The following DCBLD1 variants were observed in gnomAD, a reference collection of about 807,000 sequenced individuals.
DCBLD1 encodes discoidin, CUB and LCCL domain containing 1, also known as discoidin, CUB and LCCL domain-containing protein 1.
In DCBLD1, 57 loss-of-function variants were observed where a neutral mutation model predicts 71.5. That is an observed-to-expected ratio of 0.80 (90% CI 0.64 to 0.99). The LOEUF is 0.99. Among genes scored for constraint, DCBLD1 ranks in the 50% least tolerant of loss-of-function variants. The pLI is 0.00. For missense variants in DCBLD1, 891 were observed against 923.5 expected, an observed-to-expected ratio of 0.96 and a Z score of 0.46; for synonymous variants, 380 against 363.8, an observed-to-expected ratio of 1.04 and a Z score of -0.51.
At chr6:117,511,139 C>CATCT (rs1381107623) in intron 2 of DCBLD1, among the ~76,000 whole-genome samples, 2 of 152,106 alleles carry the variant, frequency 1.3e-5, no homozygotes, top group African/African-American at 4.8e-5. Flanking sequence ...TGTTGAAAGC[C>CATCT]ATCTGTTCCT....
At chr6:117,512,731 T>A (rs1241049516) in intron 2 of DCBLD1, among the ~76,000 whole-genome samples, 1 of 152,146 alleles carries the variant, frequency 6.6e-6, no homozygotes, top group Non-Finnish European at 1.5e-5. Flanking sequence ...TAAGAAAGAA[T>A]TGTGTGCTTC....
At chr6:117,511,487 T>G (rs1778019354) in intron 2 of DCBLD1, among the ~76,000 whole-genome samples, 2 of 152,202 alleles carry the variant, frequency 1.3e-5, no homozygotes, top group Non-Finnish European at 2.9e-5. Flanking sequence ...TCACAATATT[T>G]TTTTAAGCAT....
At chr6:117,503,040 ATT>A (rs1316822343) in intron 1 of DCBLD1, among the ~76,000 whole-genome samples, 4 of 152,208 alleles carry the variant, frequency 2.6e-5, no homozygotes, top group African/African-American at 9.6e-5. Context: ...AGCACCTAGA[ATT>A]ATAGTTATTT....
chr6:117,551,212 C>T (rs1330473960), downstream of DCBLD1, among the ~76,000 whole-genome samples: 1 of 152,108 alleles, frequency 6.6e-6, no homozygotes, highest in Non-Finnish European at 1.5e-5. Context: ...TCACATTGCT[C>T]AGGACTTGTG....
At chr6:117,562,844 T>G in intron 14 of DCBLD1, 1 of 215,232 alleles carries the variant, frequency 4.6e-6, no homozygotes, top group Middle Eastern at 1.5e-3. Flanking sequence ...ACAGTTAACA[T>G]TCTAGAATAT....
intron 14 of DCBLD1, among the ~76,000 whole-genome samples, chr6:117,556,818 T>G (rs1779500924): frequency 6.6e-6 from 1 of 152,220 alleles, no homozygotes; most frequent in African/African-American, 2.4e-5. Context: ...CCGTAAAGGT[T>G]GTACTAATTT....
chr6:117,525,636 T>C (rs1183712466), intron 5 of DCBLD1, among the ~76,000 whole-genome samples: 1 of 152,214 alleles, frequency 6.6e-6, no homozygotes, highest in Non-Finnish European at 1.5e-5. Flanking sequence ...CCAGCTAAGC[T>C]TACTATAAAT....
chr6:117,497,858 T>G (rs1253794488), intron 1 of DCBLD1, among the ~76,000 whole-genome samples: 1 of 152,214 alleles, frequency 6.6e-6, no homozygotes, highest in Non-Finnish European at 1.5e-5. Flanking sequence ...CTCCTTTATA[T>G]GTATTCATAT....
chr6:117,511,491 T>A (rs906290570), intron 2 of DCBLD1, among the ~76,000 whole-genome samples: 2 of 152,204 alleles, frequency 1.3e-5, no homozygotes, highest in African/African-American at 4.8e-5. Context: ...AATATTTTTT[T>A]AAGCATTGTC....
chr6:117,508,830 T>C (rs1448138884), intron 2 of DCBLD1, among the ~76,000 whole-genome samples: 1 of 152,214 alleles, frequency 6.6e-6, no homozygotes, highest in African/African-American at 2.4e-5. Flanking sequence ...AACCAGACGC[T>C]GGCCAGTCTT....
chr6:117,545,624 C>A (rs1779242443), intron 14 of DCBLD1, 27 bp downstream of exon 14: 2 of 1,599,480 alleles, frequency 1.3e-6, no homozygotes, highest in African/African-American at 1.3e-5. Flanking sequence ...TAGGACTGTG[C>A]TATTAGATTG....
downstream of DCBLD1, among the ~76,000 whole-genome samples, chr6:117,551,019 A>G (rs1779418153): frequency 1.3e-5 from 2 of 152,100 alleles, no homozygotes; most frequent in Non-Finnish European, 2.9e-5. Flanking sequence ...CCCATGCCAC[A>G]TTGCACACCC....
At chr6:117,509,014 C>T (rs1191693718) in intron 2 of DCBLD1, among the ~76,000 whole-genome samples, 3 of 152,138 alleles carry the variant, frequency 2.0e-5, no homozygotes, top group African/African-American at 7.2e-5. Flanking sequence ...AATTAGACTC[C>T]CTTGCCTCAA....
intron 4 of DCBLD1, among the ~76,000 whole-genome samples, chr6:117,523,821 G>C (rs1222533143): frequency 1.3e-5 from 2 of 152,200 alleles, no homozygotes; most frequent in Non-Finnish European, 2.9e-5. Flanking sequence ...TCTGGAATCT[G>C]TTTGGGCTGG....
chr6:117,511,201 G>T (rs1778008754), intron 2 of DCBLD1, among the ~76,000 whole-genome samples: 1 of 152,148 alleles, frequency 6.6e-6, no homozygotes, highest in African/African-American at 2.4e-5. Flanking sequence ...GTCACTTGCT[G>T]GAAGAAATGG....
At chr6:117,563,442 T>TTATTGCGGCA in intron 14 of DCBLD1, 1 of 1,547,682 alleles carries the variant, frequency 6.5e-7, no homozygotes, top group Non-Finnish European at 8.8e-7. Flanking sequence ...TTGGTTTTGG[T>TTATTGCGGCA]CAGGTGCAGT....
At chr6:117,514,591 C>CAAAAAA (rs59209418) in intron 2 of DCBLD1, among the ~76,000 whole-genome samples, 1 of 109,090 alleles carries the variant, frequency 9.2e-6, no homozygotes, top group Non-Finnish European at 2.1e-5. Context: ...GACCCTGTCT[C>CAAAAAA]AAAAAAAAAA....
intron 2 of DCBLD1, among the ~76,000 whole-genome samples, chr6:117,514,713 T>C (rs528625340): frequency 6.6e-6 from 1 of 152,166 alleles, no homozygotes; most frequent in South Asian, 2.1e-4. Flanking sequence ...GTCTGTGTGG[T>C]AAGGGTAATT....
intron 13 of DCBLD1, among the ~76,000 whole-genome samples, chr6:117,544,895 G>T (rs893859510): frequency 1.3e-5 from 2 of 151,524 alleles, no homozygotes; most frequent in African/African-American, 4.8e-5. Context: ...ACTGAAGTAG[G>T]CCCGTGTTGT....
Sources: allele counts gnomAD v4.1 joint callset (sites outside exome capture counted in the v4.1 genomes callset), GRCh38; gene constraint gnomAD v4.1.1; transcripts MANE v1.5; gene names NCBI Gene and HGNC (gene_info 2026-07-23, HGNC 2026-07-21).